The following WDR70 variants were observed in gnomAD, a reference collection of about 807,000 sequenced individuals.
The protein encoded by WDR70 is WD repeat domain 70, also known as WD repeat-containing protein 70.
A neutral mutation model predicts 88.6 loss-of-function variants in WDR70; 53 were observed. That is an observed-to-expected ratio of 0.60 (90% confidence interval 0.48 to 0.75). The LOEUF (loss-of-function observed/expected upper bound fraction) is 0.75. Ranked by LOEUF, WDR70 falls within the 30% of genes least tolerant of loss-of-function variation. WDR70 has a pLI of 0.00. For synonymous variants in WDR70, 280 were observed against 270.0 expected (o/e 1.04, Z -0.36); for missense variants, 610 against 823.2 (o/e 0.74, Z 3.17).
intron 10 of WDR70, among the ~76,000 whole-genome samples, chr5:37,660,089 ATC>A (rs1374930017): frequency 6.6e-6 from 1 of 152,208 alleles, no homozygotes; most frequent in Non-Finnish European, 1.5e-5. Context: ...TCTAATATTA[ATC>A]TGTTGATTGT....
At chr5:37,508,989 C>T (rs993951798) in intron 8 of WDR70, among the ~76,000 whole-genome samples, 9 of 152,062 alleles carry the variant, frequency 5.9e-5, no homozygotes, top group Admixed American at 4.6e-4. Context: ...TCGAGTTCTT[C>T]CTTCCTTTAA....
intron 9 of WDR70, among the ~76,000 whole-genome samples, chr5:37,585,362 G>A (rs1042360349): frequency 4.6e-5 from 7 of 152,094 alleles, no homozygotes; most frequent in Non-Finnish European, 7.3e-5. Context: ...AGTAATTAGT[G>A]GAATAGAGCT....
intron 10 of WDR70, among the ~76,000 whole-genome samples, chr5:37,645,269 A>C (rs1745202702): frequency 6.7e-6 from 1 of 149,964 alleles, no homozygotes; most frequent in East Asian, 2.0e-4. Context: ...ATGTTGTTTC[A>C]TTTCGATTTC....
chr5:37,626,273 T>A (rs958230638), intron 10 of WDR70, among the ~76,000 whole-genome samples: 2 of 152,232 alleles, frequency 1.3e-5, no homozygotes, highest in African/African-American at 4.8e-5. Context: ...CATTATTATA[T>A]TTAGGTATAT....
intron 17 of WDR70, among the ~76,000 whole-genome samples, chr5:37,728,348 CAAAAAAA>C (rs1271317565): frequency 2.0e-5 from 1 of 50,000 alleles, no homozygotes; most frequent in African/African-American, 7.7e-5. Context: ...ACCTTGCCTC[CAAAAAAA>C]AAAAAAAACA....
rs535550551 is a variant in WDR70, at chr5:37,398,485, C to T, written c.492+1915C>T. On this transcript the variant is annotated intron_variant, in intron 5 of 17. Transcript: ENST00000265107. ...AAATGAAAAGTAATCAGAAAAGCAA[C>T]AGCTTTTGTAAATCTGTCAATGACT... Among the ~76,000 whole-genome samples, 5 of 152,276 alleles carry T rather than the reference C, an allele frequency of 3.3e-5. No homozygotes were observed. The South Asian group carries it at 8.3e-4, about 25-fold the overall frequency.
In WDR70 at chr5:37,722,856, G is replaced by A; in HGVS notation, c.1519G>A (p.Gly507Arg). 6.2e-7 allele frequency: 1 copy of A among 1,613,332 alleles called. No individual in the cohort carries two copies. The highest frequency in any genetic ancestry group is 8.5e-7 in the Non-Finnish European group (1 of 1,179,576). Residue 507 changes from glycine to arginine, a missense_variant and splice_region_variant, in exon 15 of 18, where the codon GGA (glycine) becomes AGA (arginine). Physicochemically the swap from Gly to Arg is moderately radical, Grantham distance 125. This residue lies in a region of WDR70 where 254 missense variants were observed against 300.7 expected (regional missense o/e 0.84). Transcript: ENST00000265107. ...VYYDPNKSQR[G>R]AKLCVVKTQR... ...ATAATTTGCTTTTACACCCGTTAGG[G>A]GAGCAAAATTATGTGTGGTTAAAAC...
intron 8 of WDR70, among the ~76,000 whole-genome samples, chr5:37,507,509 C>A (rs1238018023): frequency 6.6e-6 from 1 of 152,108 alleles, no homozygotes; most frequent in Non-Finnish European, 1.5e-5. Flanking sequence ...TATCTTCCCC[C>A]CTCCCCTGCA....
intron 10 of WDR70, among the ~76,000 whole-genome samples, chr5:37,613,611 A>T (rs1744248422): frequency 6.6e-6 from 1 of 152,212 alleles, no homozygotes; most frequent in Non-Finnish European, 1.5e-5. Flanking sequence ...CCTATATTCC[A>T]GGCAAAGAAA....
At chr5:37,440,217 A>G (rs1347003206) in intron 6 of WDR70, among the ~76,000 whole-genome samples, 3 of 152,240 alleles carry the variant, frequency 2.0e-5, no homozygotes, top group Non-Finnish European at 4.4e-5. Context: ...ATAATAGTCA[A>G]CTGAACCCTT....
intron 5 of WDR70, among the ~76,000 whole-genome samples, chr5:37,400,832 C>G (rs1749167820): frequency 6.6e-6 from 1 of 152,050 alleles, no homozygotes; most frequent in African/African-American, 2.4e-5. Flanking sequence ...AGCGAAGGCC[C>G]AAATGTATAT....
intron 9 of WDR70, among the ~76,000 whole-genome samples, chr5:37,517,398 G>A (rs534076936): frequency 1.4e-5 from 2 of 143,994 alleles, no homozygotes; most frequent in East Asian, 2.0e-4. Flanking sequence ...ATGGAGTTTC[G>A]CTCTTGTTGC....
rs1388182364 is a variant in WDR70 at position 37,725,899 on chromosome 5, A to G, written c.1714+849A>G. Reference sequence around the variant, plus strand: ...CTTCCCACTGTCCAATTGTCTTTCCAGAGATTCAAGGTTCTGTACAGTCCA... The same window carrying G: ...CTTCCCACTGTCCAATTGTCTTTCCGGAGATTCAAGGTTCTGTACAGTCCA... On this transcript the variant is annotated intron_variant, in intron 16 of 17. Transcript: ENST00000265107. Among the ~76,000 whole-genome samples the G allele has an allele frequency of 7.2e-5, 11 of 152,236 alleles. No individual in the cohort carries two copies. In the East Asian group the frequency reaches 1.4e-3, roughly 19 times the overall value.
intron 10 of WDR70, among the ~76,000 whole-genome samples, chr5:37,634,260 C>G (rs1244858012): frequency 6.9e-6 from 1 of 144,990 alleles, no homozygotes; most frequent in Non-Finnish European, 1.5e-5. Context: ...GATTGCATCA[C>G]TGCACTCCAG....
intron 8 of WDR70, among the ~76,000 whole-genome samples, chr5:37,483,570 C>G (rs1739743311): frequency 6.6e-6 from 1 of 152,228 alleles, no homozygotes; most frequent in African/African-American, 2.4e-5. Context: ...TTCTATTCCA[C>G]AAAACCGCCA....
chr5:37,381,663 G>T lies in WDR70; in HGVS notation c.153G>T (p.Val51=). The change falls in exon 3 of 18, where the codon GTG becomes GTT. Residue 51 remains valine (V), a synonymous_variant. Transcript: ENST00000265107. ...AMFEQTRRTA[V]ERSRKTLEAR... ...TTGAACAAACTCGAAGGACAGCTGTGGAAAGAAGTCGCAAAACACTGGGTA... is the reference window on the plus strand; with the variant it reads ...TTGAACAAACTCGAAGGACAGCTGTTGAAAGAAGTCGCAAAACACTGGGTA... 6.2e-7 allele frequency: 1 copy of T among 1,611,526 alleles called. No homozygotes were observed. The highest frequency in any genetic ancestry group is 8.5e-7 in the Non-Finnish European group (1 of 1,178,250).
At chr5:37,591,649 A>G (rs1743534226) in intron 9 of WDR70, among the ~76,000 whole-genome samples, 1 of 152,218 alleles carries the variant, frequency 6.6e-6, no homozygotes, top group South Asian at 2.1e-4. Context: ...ACTCTTCCAG[A>G]AACTAAAAGA....
chr5:37,696,254 A>G (rs890173367), intron 10 of WDR70, among the ~76,000 whole-genome samples: 2 of 152,216 alleles, frequency 1.3e-5, no homozygotes, highest in Admixed American at 1.3e-4. Flanking sequence ...ATGATAACTA[A>G]TATAAAATTC....
intron 10 of WDR70, among the ~76,000 whole-genome samples, chr5:37,678,486 T>C (rs1226400015): frequency 6.6e-6 from 1 of 152,198 alleles, no homozygotes; most frequent in Non-Finnish European, 1.5e-5. Flanking sequence ...CTCCTTCACT[T>C]ATGAAGCTTA....
Sources: allele counts gnomAD v4.1 joint callset (sites outside exome capture counted in the v4.1 genomes callset), GRCh38; gene constraint gnomAD v4.1.1; regional missense constraint gnomAD v4.1.1; transcripts MANE v1.5; gene names NCBI Gene and HGNC (gene_info 2026-07-23, HGNC 2026-07-21).